The following PLCE1 variants were observed in gnomAD, a reference collection of about 807,000 sequenced individuals.
PLCE1 encodes 1-phosphatidylinositol 4,5-bisphosphate phosphodiesterase epsilon-1.
A neutral mutation model predicts 242.8 loss-of-function variants in PLCE1; 119 were observed. The observed-to-expected ratio is 0.49, with a 90% CI of 0.42 to 0.57. The LOEUF (loss-of-function observed/expected upper bound fraction) is 0.57, where lower values mean the gene tolerates loss of function less well. PLCE1 is among the 20% of genes least tolerant of loss of function. PLCE1 has a pLI of 0.00. For synonymous variants in PLCE1, 945 were observed against 1,017.4 expected, an observed-to-expected ratio of 0.93 and a Z score of 1.35; for missense variants, 2,441 against 2,788.8, an observed-to-expected ratio of 0.88 and a Z score of 2.81.
intron 4 of PLCE1, among the ~76,000 whole-genome samples, chr10:94,193,186 G>C (rs984779303): frequency 1.3e-5 from 2 of 152,178 alleles, no homozygotes; most frequent in African/African-American, 4.8e-5. Flanking sequence ...GGTTCTGTGA[G>C]GAAGAAAAGT....
Position 94,329,220 on chromosome 10 carries a change from C to CTT in PLCE1, c.*1279_*1280dup, listed in dbSNP as rs1379629356. The CTT allele has an allele frequency of 1.3e-5, 2 of 152,230 alleles. No individual in the cohort carries two copies. Among genetic ancestry groups the CTT allele is most frequent in the African/African-American group, 4.8e-5 (2 of 41,456 alleles). 9.4% of individuals were successfully genotyped at this position (152,230 alleles called of 1,614,324 possible). On this transcript the variant is annotated 3_prime_UTR_variant, in exon 33 of 33. Coordinates refer to ENST00000371380, the MANE Select transcript of PLCE1 (RefSeq NM_016341.4). ...CCATTTAATGTAAATTATTTTTAAA[C>CTT]TTTGCTGTACAAAACCATTAAGTGT... is the stretch of plus-strand genomic sequence containing the variant.
At chr10:94,165,719 T>A (rs2047780069) in intron 3 of PLCE1, among the ~76,000 whole-genome samples, 1 of 152,120 alleles carries the variant, frequency 6.6e-6, no homozygotes, top group Non-Finnish European at 1.5e-5. Flanking sequence ...TTGATCTTTT[T>A]TTTTTTGAGA....
At chr10:94,183,334 G>C (rs2048369538) in intron 4 of PLCE1, among the ~76,000 whole-genome samples, 1 of 152,204 alleles carries the variant, frequency 6.6e-6, no homozygotes, top group Admixed American at 6.5e-5. Flanking sequence ...ACTAAATGCT[G>C]TTTTGTGCAT....
chr10:94,079,293 T>A (rs1183647213), intron 2 of PLCE1, among the ~76,000 whole-genome samples: 1 of 152,164 alleles, frequency 6.6e-6, no homozygotes, highest in Non-Finnish European at 1.5e-5. Flanking sequence ...CTAAGCATTA[T>A]TTGAAATGAG....
chr10:94,179,494 T>C (rs2048225781), intron 4 of PLCE1, among the ~76,000 whole-genome samples: 1 of 135,170 alleles, frequency 7.4e-6, no homozygotes, highest in East Asian at 2.3e-4. Flanking sequence ...ATCTTTATCT[T>C]ATTTTTATTT....
At chr10:94,170,101 G>C (rs1019292318) in intron 3 of PLCE1, among the ~76,000 whole-genome samples, 8 of 152,184 alleles carry the variant, frequency 5.3e-5, no homozygotes, top group African/African-American at 1.9e-4. Context: ...TTAGAAAAGA[G>C]TCAGAGAATA....
intron 1 of PLCE1, among the ~76,000 whole-genome samples, chr10:93,999,334 G>T (rs902515490): frequency 1.3e-5 from 2 of 152,116 alleles, no homozygotes; most frequent in Non-Finnish European, 2.9e-5. Context: ...GGAAACTGAG[G>T]CACTGAGAGG....
chr10:94,313,569 C>T (rs2053460047), intron 28 of PLCE1, among the ~76,000 whole-genome samples, 187 bp downstream of exon 28: 1 of 152,182 alleles, frequency 6.6e-6, no homozygotes, highest in African/African-American at 2.4e-5. Context: ...CAAGAATCAC[C>T]TGATGGATCT....
Position 94,331,257 on chromosome 10 carries a change from A to G in PLCE1, c.*3314A>G. ...ATGCCTCCCATCTCAATACCTCTGG[A>G]GACACTGGAAGCTCATTAATGAAAG... On this transcript the variant is annotated 3_prime_UTR_variant, in exon 33 of 33. Coordinates refer to ENST00000371380, the MANE Select transcript of PLCE1 (RefSeq NM_016341.4). The G allele has an allele frequency of 6.6e-6, 1 of 152,140 alleles. No individual in the cohort carries two copies. 9.4% of individuals were successfully genotyped at this position (152,140 alleles called of 1,614,324 possible).
chr10:94,297,202 TCC>T (rs2052858354), intron 23 of PLCE1, among the ~76,000 whole-genome samples: 1 of 152,078 alleles, frequency 6.6e-6, no homozygotes, highest in Admixed American at 6.6e-5. Flanking sequence ...CGTGTGACTC[TCC>T]CTTTCACTTG....
In PLCE1 at chr10:94,331,659, G is replaced by C. The variant is rs1589560573; in HGVS notation, c.*3716G>C. The C allele has an allele frequency of 6.6e-6, 1 of 152,156 alleles. No homozygotes were observed. The allele number at this position is 152,156 out of a possible 1,614,324, so 9.4% of individuals were successfully genotyped here. On this transcript the variant is annotated 3_prime_UTR_variant, in exon 33 of 33. Coordinates refer to ENST00000371380, the MANE Select transcript of PLCE1 (RefSeq NM_016341.4). The stretch of plus-strand genomic sequence containing the variant: ...TACCTGGGACCCCAAAAAAGTTAGA[G>C]AGAAAAGGGAGATTGTCTCTTATAC...
chr10:94,189,670 G>A (rs2048598568), intron 4 of PLCE1, among the ~76,000 whole-genome samples: 1 of 152,076 alleles, frequency 6.6e-6, no homozygotes, highest in Non-Finnish European at 1.5e-5. Flanking sequence ...GAATATAAGG[G>A]AAAAATGGCT....
chr10:94,158,691 T>A (rs1346164715), intron 3 of PLCE1, among the ~76,000 whole-genome samples: 1 of 151,946 alleles, frequency 6.6e-6, no homozygotes, highest in African/African-American at 2.4e-5. Context: ...GGGGGAAAAG[T>A]GCACTATAGA....
rs2049975216 is a variant in PLCE1, at chr10:94,227,180, A to T, written c.1810-126A>T. On this transcript the variant is annotated intron_variant, in intron 4 of 32. Transcript: ENST00000371380. ...GCGTGAACCACCACGCCCAGCCAGG[A>T]CCTACAGGTCTTTCATTTCCTAATA... 6 of 862,900 alleles carry T rather than the reference A, an allele frequency of 7.0e-6. No homozygotes were observed. The South Asian group carries it at 8.5e-5, about 12-fold the overall frequency. The allele number at this position is 862,900 out of a possible 1,614,324, so 53.5% of individuals were successfully genotyped here.
intron 29 of PLCE1, among the ~76,000 whole-genome samples, chr10:94,319,809 AC>A (rs1284566729): frequency 6.6e-6 from 1 of 151,180 alleles, no homozygotes; most frequent in Non-Finnish European, 1.5e-5. Flanking sequence ...GTGGCTTCGA[AC>A]TAATGTGGCT....
At chr10:94,134,141 C>T (rs987077957) in intron 3 of PLCE1, among the ~76,000 whole-genome samples, 7 of 151,450 alleles carry the variant, frequency 4.6e-5, no homozygotes, top group Non-Finnish European at 8.8e-5. Flanking sequence ...TACTCTGTCA[C>T]CCAGGCCGGA....
intron 2 of PLCE1, among the ~76,000 whole-genome samples, chr10:94,100,981 C>T (rs1216638034): frequency 1.3e-5 from 2 of 152,188 alleles, no homozygotes; most frequent in African/African-American, 4.8e-5. Flanking sequence ...ACAGCATTTA[C>T]AGAAGCCTAG....
At chr10:94,090,013 A>G (rs958411559) in intron 2 of PLCE1, among the ~76,000 whole-genome samples, 1 of 152,166 alleles carries the variant, frequency 6.6e-6, no homozygotes. Context: ...GTAAATGTCC[A>G]TAGTTTTGGG....
chr10:94,051,181 T>C (rs2043754028), intron 2 of PLCE1, among the ~76,000 whole-genome samples: 1 of 149,768 alleles, frequency 6.7e-6, no homozygotes, highest in Admixed American at 6.7e-5. Flanking sequence ...GGACAAGATA[T>C]CTGAATACAC....
Sources: allele counts gnomAD v4.1 joint callset (sites outside exome capture counted in the v4.1 genomes callset), GRCh38; gene constraint gnomAD v4.1.1; transcripts MANE v1.5; gene names NCBI Gene and HGNC (gene_info 2026-07-23, HGNC 2026-07-21).